The following LRRC28 variants were observed in gnomAD, a reference collection of about 807,000 sequenced individuals.
LRRC28 encodes the protein leucine rich repeat containing 28.
Under a neutral mutation model 45.7 loss-of-function variants are expected in LRRC28, and 39 were observed. The ratio of observed to expected loss-of-function variants is 0.85; its 90% CI spans 0.66 to 1.12. LRRC28 has a LOEUF of 1.12. Ranked by LOEUF, LRRC28 falls within the 50% of genes most tolerant of loss-of-function variation. LRRC28 has a pLI of 0.00. For missense variants in LRRC28, 435 were observed against 438.5 expected (o/e 0.99, Z 0.07); for synonymous variants, 206 against 178.8 (o/e 1.15, Z -1.22).
At chr15:99,260,920 A>AT (rs1222301070) in intron 2 of LRRC28, among the ~76,000 whole-genome samples, 22 of 151,550 alleles carry the variant, frequency 1.5e-4, no homozygotes, top group East Asian at 9.7e-4. Flanking sequence ...GTTTCTTAAC[A>AT]TTTTTTGTTT....
chr15:99,357,587 A>G (rs1261946412), intron 7 of LRRC28, among the ~76,000 whole-genome samples: 1 of 152,216 alleles, frequency 6.6e-6, no homozygotes, highest in Non-Finnish European at 1.5e-5. Flanking sequence ...AGTGGGACCC[A>G]AGGTGGTCTT....
chr15:99,291,410 T>C (rs1365095484), intron 5 of LRRC28, among the ~76,000 whole-genome samples: 1 of 152,226 alleles, frequency 6.6e-6, no homozygotes, highest in East Asian at 1.9e-4. Flanking sequence ...TTTGATTCAC[T>C]TTATGCATCT....
Position 99,386,073 on chromosome 15 carries a change from T to G in LRRC28, c.1075T>G (p.Cys359Gly). ...SFVAYCCSTQ[C>G]LQTFDLLS is the part of the protein sequence containing the mutation. ...TGTGGCTTACTGCTGCTCCACCCAG[T>G]GTCTGCAGACTTTTGACCTGCTGAG... is the stretch of plus-strand genomic sequence containing the variant. Residue 359 changes from cysteine (C) to glycine (G), a missense_variant, in exon 10 of 10, where the codon TGT becomes GGT. By Grantham distance (159) the Cys-to-Gly change is radical. Coordinates refer to ENST00000301981, the MANE Select transcript of LRRC28 (RefSeq NM_144598.5). The G allele has an allele frequency of 6.2e-7, 1 of 1,614,196 alleles. No homozygotes were observed. Among genetic ancestry groups the G allele is most frequent in the Non-Finnish European group, 8.5e-7 (1 of 1,180,022 alleles).
chr15:99,355,156 GCTT>G (rs1238911421), intron 7 of LRRC28, among the ~76,000 whole-genome samples: 5 of 152,184 alleles, frequency 3.3e-5, no homozygotes, highest in Admixed American at 6.5e-5. Flanking sequence ...AACAAAGTTA[GCTT>G]CTTCTTATTC....
chr15:99,381,563 C>T (rs1332292038), intron 9 of LRRC28, among the ~76,000 whole-genome samples: 1 of 152,210 alleles, frequency 6.6e-6, no homozygotes, highest in Non-Finnish European at 1.5e-5. Context: ...AGCTTTGTTC[C>T]GTTGCTGGCG....
chr15:99,257,670 C>T (rs928380056), intron 2 of LRRC28: 45 of 744,466 alleles, frequency 6.0e-5, no homozygotes, highest in Non-Finnish European at 8.0e-5. Context: ...CTGCGTCCTG[C>T]TGACCTTCGG....
Position 99,294,639 on chromosome 15 carries a change from A to G in LRRC28, c.385+6688A>G, listed in dbSNP as rs114165531. On this transcript the variant is annotated intron_variant, in intron 5 of 9. Transcript: ENST00000301981. ...TTTTCACTGTGTTCTCATGTGGTAGAATGGAGCAAGGCAGCTCTCTGAGGC... is the reference window on the plus strand; with the variant it reads ...TTTTCACTGTGTTCTCATGTGGTAGGATGGAGCAAGGCAGCTCTCTGAGGC... Among the ~76,000 whole-genome samples the G allele has an allele frequency of 2.7e-3, 416 of 152,266 alleles. 4 individuals are homozygous for G. Among genetic ancestry groups the G allele is most frequent in the African/African-American group, 9.3e-3 (387 of 41,542 alleles).
intron 5 of LRRC28, among the ~76,000 whole-genome samples, chr15:99,314,404 C>G (rs1227261601): frequency 1.3e-5 from 2 of 151,824 alleles, no homozygotes; most frequent in African/African-American, 2.4e-5. Context: ...CACAACTGCA[C>G]TCCAGCCTGG....
intron 5 of LRRC28, among the ~76,000 whole-genome samples, chr15:99,292,966 T>G: frequency 6.6e-6 from 1 of 152,190 alleles, no homozygotes; most frequent in Admixed American, 6.5e-5. Context: ...AAATTGGAAT[T>G]AAGTCCTCCT....
At chr15:99,333,820 G>A (rs888153132) in intron 5 of LRRC28, 103 bp from the exon 6 acceptor site, 69 of 1,167,134 alleles carry the variant, frequency 5.9e-5, no homozygotes, top group South Asian at 9.9e-5. Context: ...GGGAATAGTC[G>A]CAGCTACTGA....
chr15:99,365,611 AC>A (rs1383128778), intron 9 of LRRC28, among the ~76,000 whole-genome samples: 1 of 152,062 alleles, frequency 6.6e-6, no homozygotes, highest in Non-Finnish European at 1.5e-5. Context: ...AATATCATAA[AC>A]TCTAAAAGAT....
chr15:99,307,988 G>C (rs1034447678), intron 5 of LRRC28, among the ~76,000 whole-genome samples: 2 of 152,168 alleles, frequency 1.3e-5, no homozygotes, highest in African/African-American at 4.8e-5. Context: ...AAACTTAAAC[G>C]AGGCGCCGAC....
rs531031277 is a variant in LRRC28, at chr15:99,324,489, G to C, written c.386-9434G>C. On this transcript the variant is annotated intron_variant, in intron 5 of 9. Transcript: ENST00000301981. ...ATATCAAGTCTGTCATTGACTCTCT[G>C]TGGTCACTAGCTTGGTGTGGAGTGG... Among the ~76,000 whole-genome samples the C allele has an allele frequency of 5.9e-5, 9 of 152,238 alleles. No homozygotes were observed. In the East Asian group the frequency reaches 1.7e-3, roughly 29 times the overall value.
chr15:99,343,235 G>C (rs1398588152), intron 6 of LRRC28, among the ~76,000 whole-genome samples: 3 of 152,166 alleles, frequency 2.0e-5, no homozygotes, highest in Non-Finnish European at 4.4e-5. Context: ...TTGTTGATGA[G>C]AATATACCAT....
intron 2 of LRRC28, among the ~76,000 whole-genome samples, chr15:99,273,641 C>G (rs1204056160): frequency 6.6e-6 from 1 of 152,188 alleles, no homozygotes; most frequent in African/African-American, 2.4e-5. Context: ...TTAATAAAGA[C>G]ATAGAGATGC....
intron 2 of LRRC28, among the ~76,000 whole-genome samples, chr15:99,264,441 G>C (rs2081281577): frequency 6.6e-6 from 1 of 152,202 alleles, no homozygotes; most frequent in Non-Finnish European, 1.5e-5. Context: ...AACTGGACAA[G>C]CTGTTTGAAG....
chr15:99,346,653 A>T (rs1341973586), intron 6 of LRRC28, among the ~76,000 whole-genome samples: 1 of 152,202 alleles, frequency 6.6e-6, no homozygotes, highest in East Asian at 1.9e-4. Flanking sequence ...CTGAAAGTAG[A>T]TGTATTAAAA....
intron 5 of LRRC28, among the ~76,000 whole-genome samples, chr15:99,332,287 A>T (rs1956186573): frequency 6.6e-6 from 1 of 152,098 alleles, no homozygotes; most frequent in South Asian, 2.1e-4. Flanking sequence ...TTCAAGTAGA[A>T]AACTCCCTTT....
At position 99,379,519 on chromosome 15, in the gene LRRC28, G is replaced by T. The variant is rs1358073449; in HGVS notation, c.1032-6511G>T. Among the ~76,000 whole-genome samples, 5 of 152,074 alleles carry T rather than the reference G, an allele frequency of 3.3e-5. No homozygotes were observed. In the South Asian group the frequency reaches 8.3e-4, roughly 25 times the overall value. ...CCTGGATTGATTGATTTTTTGAAGGGTTTTTTCTGTCTCTATCTCCTTCAG... is the reference window on the plus strand; with the variant it reads ...CCTGGATTGATTGATTTTTTGAAGGTTTTTTTCTGTCTCTATCTCCTTCAG... On this transcript the variant is annotated intron_variant, in intron 9 of 9. Coordinates refer to ENST00000301981, the MANE Select transcript of LRRC28 (RefSeq NM_144598.5).
Sources: gnomAD v4.1 joint callset for allele counts (sites outside exome capture counted in the v4.1 genomes callset) on GRCh38, gnomAD v4.1.1 for gene constraint, MANE v1.5 for transcripts, NCBI Gene and HGNC (gene_info 2026-07-23, HGNC 2026-07-21) for gene names.